Variants in RAB38 observed in about 807,000 individuals in gnomAD.
RAB38 encodes ras-related protein Rab-38.
A neutral mutation model predicts 18.4 loss-of-function variants in RAB38; 15 were observed. The observed-to-expected ratio is 0.82, with a 90% confidence interval of 0.55 to 1.26. The LOEUF (loss-of-function observed/expected upper bound fraction) is 1.26. RAB38 is among the 50% of genes most tolerant of loss of function. The pLI is 0.00. For synonymous variants in RAB38, 101 were observed against 104.4 expected (o/e 0.97, Z 0.20); for missense variants, 294 against 267.4 (o/e 1.10, Z -0.69).
At chr11:88,092,341 A>G in the RAB38 span, among the ~76,000 whole-genome samples, 1 of 17,468 alleles carries the variant, frequency 5.7e-5, no homozygotes. Context: ...AGAGAGAGAG[A>G]GAGAGGGAGG....
chr11:87,951,086 TTTCTATTC>T, the RAB38 span, among the ~76,000 whole-genome samples: 6 of 152,164 alleles, frequency 3.9e-5, no homozygotes, highest in African/African-American at 9.7e-5. Flanking sequence ...TGTTTATTTC[TTTCTATTC>T]TTTTATCTCT....
chr11:88,141,842 C>G (rs575450356), intron 2 of RAB38, among the ~76,000 whole-genome samples: 1 of 152,304 alleles, frequency 6.6e-6, no homozygotes, highest in South Asian at 2.1e-4. Flanking sequence ...TTTGGAAATT[C>G]TACAGATTTT....
chr11:87,929,291 C>A, the RAB38 span, among the ~76,000 whole-genome samples: 1 of 151,938 alleles, frequency 6.6e-6, no homozygotes, highest in African/African-American at 2.4e-5. Context: ...CTTATTGTAA[C>A]CCCCTCTTTC....
chr11:87,865,442 T>G, the RAB38 span, among the ~76,000 whole-genome samples: 1 of 151,698 alleles, frequency 6.6e-6, no homozygotes, highest in Non-Finnish European at 1.5e-5. Context: ...GTGGTCACAA[T>G]CAAAGAATTC....
chr11:88,028,908 A>G, the RAB38 span, among the ~76,000 whole-genome samples: 2 of 152,110 alleles, frequency 1.3e-5, no homozygotes, highest in African/African-American at 4.8e-5. Context: ...GAGAAGAGCA[A>G]CTCCAAGATA....
chr11:87,961,213 A>C, the RAB38 span, among the ~76,000 whole-genome samples: 1 of 152,162 alleles, frequency 6.6e-6, no homozygotes, highest in Non-Finnish European at 1.5e-5. Context: ...CTTTGATCCC[A>C]GCCAGAGTAA....
the RAB38 span, among the ~76,000 whole-genome samples, chr11:87,832,174 G>A: frequency 6.6e-6 from 1 of 152,116 alleles, no homozygotes. Context: ...ACTAAGTCTA[G>A]GAAAAGAATG....
the RAB38 span, among the ~76,000 whole-genome samples, chr11:87,838,562 AC>A: frequency 5.3e-5 from 8 of 152,144 alleles, no homozygotes; most frequent in Non-Finnish European, 7.4e-5. Flanking sequence ...AGGGAATTAT[AC>A]CTAACAGTAA....
At chr11:87,975,030 C>T in the RAB38 span, among the ~76,000 whole-genome samples, 1 of 151,876 alleles carries the variant, frequency 6.6e-6, no homozygotes. Flanking sequence ...CTATGCCTCT[C>T]TCCTAGCTCC....
At chr11:87,866,544 T>G in the RAB38 span, among the ~76,000 whole-genome samples, 1 of 151,782 alleles carries the variant, frequency 6.6e-6, no homozygotes, top group Non-Finnish European at 1.5e-5. Context: ...TCTGGAGTCT[T>G]GGCTCTGCCT....
At chr11:88,120,454 G>A (rs1253426158) in intron 2 of RAB38, among the ~76,000 whole-genome samples, 4 of 152,170 alleles carry the variant, frequency 2.6e-5, no homozygotes, top group East Asian at 1.9e-4. Flanking sequence ...AAGAGAAGGC[G>A]TACATGGTGA....
chr11:88,018,212 T>C, the RAB38 span, among the ~76,000 whole-genome samples: 36 of 152,294 alleles, frequency 2.4e-4, no homozygotes, highest in East Asian at 6.4e-3. Context: ...CTGCTTCTTA[T>C]TTCACTGAGC....
At chr11:88,053,791 CT>C in the RAB38 span, among the ~76,000 whole-genome samples, 442 of 139,250 alleles carry the variant, frequency 3.2e-3, no homozygotes, top group Middle Eastern at 0.011. Flanking sequence ...AGGACTTAAG[CT>C]TTTTTTTTTT....
At chr11:88,021,554 G>A in the RAB38 span, among the ~76,000 whole-genome samples, 2 of 150,110 alleles carry the variant, frequency 1.3e-5, no homozygotes, top group African/African-American at 4.9e-5. Context: ...CCTAAAAATA[G>A]AGAAAGATAA....
intron 2 of RAB38, among the ~76,000 whole-genome samples, chr11:88,117,203 A>G (rs1175049531): frequency 1.3e-5 from 2 of 152,198 alleles, no homozygotes; most frequent in African/African-American, 4.8e-5. Context: ...TCATTCACCC[A>G]ATTAATAGTA....
chr11:88,143,727 C>T lies in RAB38; in HGVS notation c.483+5948G>A, dbSNP rs555392348. On this transcript the variant is annotated intron_variant, in intron 2 of 2. Transcript: ENST00000243662. ...ACATGAAACAGGAAAGATCTGAGCT[C>T]TAAGTAGTGAAAATATGAACCATGC... Among the ~76,000 whole-genome samples the T allele has an allele frequency of 3.9e-3, 588 of 152,286 alleles. 3 individuals are homozygous for T. Among genetic ancestry groups the T allele is most frequent in the Non-Finnish European group, 6.2e-3 (420 of 68,022 alleles).
At chr11:88,032,236 G>A in the RAB38 span, among the ~76,000 whole-genome samples, 1 of 152,142 alleles carries the variant, frequency 6.6e-6, no homozygotes, top group Non-Finnish European at 1.5e-5. Flanking sequence ...AATTCAAGAT[G>A]GATGAAAGAC....
the RAB38 span, among the ~76,000 whole-genome samples, chr11:87,955,924 A>G: frequency 1.6e-3 from 238 of 152,076 alleles, 1 homozygote; most frequent in African/African-American, 5.5e-3. Context: ...AGAATAGAAA[A>G]TATTGTATTT....
At chr11:87,813,005 T>C in the RAB38 span, among the ~76,000 whole-genome samples, 1 of 152,160 alleles carries the variant, frequency 6.6e-6, no homozygotes, top group East Asian at 1.9e-4. Flanking sequence ...AAATGCCTGT[T>C]TTTATCAAGA....
Sources: allele counts gnomAD v4.1 joint callset (sites outside exome capture counted in the v4.1 genomes callset), GRCh38; gene constraint gnomAD v4.1.1; transcripts MANE v1.5; gene names NCBI Gene and HGNC (gene_info 2026-07-23, HGNC 2026-07-21).